BIRC6: variants seen among roughly 807,000 people sequenced by gnomAD.
BIRC6 encodes dual E2 ubiquitin-conjugating enzyme/E3 ubiquitin-protein ligase BIRC6.
In BIRC6, 98 loss-of-function variants were observed where a neutral mutation model predicts 503.3. The observed-to-expected ratio is 0.19, with a 90% CI of 0.17 to 0.23. The LOEUF (loss-of-function observed/expected upper bound fraction) is 0.23, where lower values mean the gene tolerates loss of function less well. Among genes scored for constraint, BIRC6 ranks in the 10% least tolerant of loss-of-function variants. The probability of loss-of-function intolerance (pLI) is 1.00; values close to 1 mark genes in which losing one functional copy is unlikely to be tolerated. For synonymous variants in BIRC6, 2,240 were observed against 2,078.7 expected, an observed-to-expected ratio of 1.08 and a Z score of -2.11; for missense variants, 5,360 against 5,806.0, an observed-to-expected ratio of 0.92 and a Z score of 2.50.
At chr2:32,418,930 C>T (rs912193415) in intron 10 of BIRC6, among the ~76,000 whole-genome samples, 1 of 152,024 alleles carries the variant, frequency 6.6e-6, no homozygotes, top group Non-Finnish European at 1.5e-5. Context: ...CCTAGGCTAC[C>T]GAGCAAGATT....
chr2:32,566,665 T>A (rs184510944), intron 65 of BIRC6, among the ~76,000 whole-genome samples: 200 of 152,352 alleles, frequency 1.3e-3, no homozygotes, highest in Admixed American at 3.7e-3. Flanking sequence ...CATATTTTTT[T>A]AATTGACATT....
At chr2:32,434,937 C>T (rs371385311) in intron 13 of BIRC6, among the ~76,000 whole-genome samples, 31 of 152,126 alleles carry the variant, frequency 2.0e-4, no homozygotes, top group African/African-American at 6.5e-4. Flanking sequence ...TAAAAGTATA[C>T]GGGAGGATAT....
At chr2:32,478,898 A>G in intron 36 of BIRC6, 80 bp downstream of exon 36, 1 of 1,425,350 alleles carries the variant, frequency 7.0e-7, no homozygotes, top group African/African-American at 1.4e-5. Flanking sequence ...AGGGATCTTT[A>G]ACCCCTAGAG....
intron 43 of BIRC6, among the ~76,000 whole-genome samples, chr2:32,491,037 A>G (rs1458823476): frequency 1.3e-5 from 2 of 152,232 alleles, no homozygotes; most frequent in Non-Finnish European, 2.9e-5. Flanking sequence ...GCAAAAAGGA[A>G]TAATTTTGCT....
At chr2:32,491,329 A>G in intron 43 of BIRC6, 96 bp from the exon 44 acceptor site, 4 of 1,230,770 alleles carry the variant, frequency 3.2e-6, no homozygotes, top group Non-Finnish European at 4.4e-6. Context: ...CTAGGAATGT[A>G]TGAATTTTCC....
intron 66 of BIRC6, among the ~76,000 whole-genome samples, chr2:32,583,831 A>G (rs1278967822): frequency 6.6e-6 from 1 of 152,168 alleles, no homozygotes; most frequent in Non-Finnish European, 1.5e-5. Context: ...CCTGGGTTCA[A>G]GTGATTTTTC....
chr2:32,360,659 A>G (rs1008255178), intron 1 of BIRC6, among the ~76,000 whole-genome samples: 19 of 152,172 alleles, frequency 1.2e-4, no homozygotes, highest in African/African-American at 4.1e-4. Flanking sequence ...TTAGCCAGAA[A>G]TGACTGAAGC....
chr2:32,496,654 A>G (rs2052510794), intron 45 of BIRC6, among the ~76,000 whole-genome samples: 1 of 151,884 alleles, frequency 6.6e-6, no homozygotes, highest in African/African-American at 2.4e-5. Context: ...TTTGTTCTTT[A>G]TTTTTAGAGT....
chr2:32,530,550 T>C (rs2056653864), intron 60 of BIRC6, among the ~76,000 whole-genome samples: 1 of 152,202 alleles, frequency 6.6e-6, no homozygotes, highest in Admixed American at 6.5e-5. Context: ...CATTTTTGAA[T>C]TGGCTATTTT....
intron 66 of BIRC6, among the ~76,000 whole-genome samples, chr2:32,584,969 A>G (rs2060930124): frequency 1.3e-5 from 2 of 152,182 alleles, no homozygotes; most frequent in Admixed American, 6.5e-5. Context: ...GCAGAAAAAA[A>G]TATACCAGAT....
intron 1 of BIRC6, among the ~76,000 whole-genome samples, chr2:32,372,209 A>T (rs768603890): frequency 1.3e-5 from 2 of 152,122 alleles, no homozygotes; most frequent in African/African-American, 4.8e-5. Flanking sequence ...ACACACATGC[A>T]TAGATTGATG....
chr2:32,365,536 G>C (rs141639592), intron 1 of BIRC6, among the ~76,000 whole-genome samples: 2,214 of 152,188 alleles, frequency 0.015, 48 homozygotes, highest in African/African-American at 0.051. Flanking sequence ...GGCCAGGCTG[G>C]TCTCGAACTC....
At chr2:32,397,606 A>G (rs539858554) in intron 6 of BIRC6, among the ~76,000 whole-genome samples, 3,761 of 116,434 alleles carry the variant, frequency 0.032, 112 homozygotes, top group African/African-American at 0.1. Context: ...GTGTGTGTGT[A>G]TATATGTGTG....
chr2:32,519,038 C>T (rs968500162), intron 57 of BIRC6, 92 bp downstream of exon 57: 10 of 1,275,058 alleles, frequency 7.8e-6, no homozygotes, highest in Non-Finnish European at 1.1e-5. Flanking sequence ...TCTGCATCCA[C>T]TTTGCAACCA....
At chr2:32,489,922 A>G (rs551183813) in intron 42 of BIRC6, 119 bp from the exon 43 acceptor site, 30 of 659,368 alleles carry the variant, frequency 4.5e-5, no homozygotes, top group East Asian at 3.4e-4. Flanking sequence ...TTTTGAAGAC[A>G]CTGGTTAAGG....
At chr2:32,598,313 CA>C (rs1349349493) in intron 69 of BIRC6, among the ~76,000 whole-genome samples, 1 of 152,042 alleles carries the variant, frequency 6.6e-6, no homozygotes, top group Non-Finnish European at 1.5e-5. Flanking sequence ...CATCCTTGAG[CA>C]AAGATTGTGT....
intron 25 of BIRC6, 69 bp from the exon 26 acceptor site, chr2:32,464,996 G>T (rs1329676699): frequency 6.1e-6 from 8 of 1,322,036 alleles, no homozygotes; most frequent in African/African-American, 1.5e-5. Flanking sequence ...TGCTATTATG[G>T]TTAGTAGTTT....
At chr2:32,569,146 G>A (rs961130845) in intron 65 of BIRC6, among the ~76,000 whole-genome samples, 6 of 151,622 alleles carry the variant, frequency 4.0e-5, no homozygotes, top group African/African-American at 1.5e-4. Context: ...CCCACAACGA[G>A]GCCCAGGTAA....
chr2:32,363,323 A>G (rs1443266011), intron 1 of BIRC6, among the ~76,000 whole-genome samples: 1 of 151,636 alleles, frequency 6.6e-6, no homozygotes, highest in African/African-American at 2.4e-5. Context: ...CTCTGTCTCA[A>G]ACAAACAAAC....
Sources: gnomAD v4.1 joint callset for allele counts (sites outside exome capture counted in the v4.1 genomes callset) on GRCh38, gnomAD v4.1.1 for gene constraint, MANE v1.5 for transcripts, NCBI Gene and HGNC (gene_info 2026-07-23, HGNC 2026-07-21) for gene names.